Variants in MET observed in about 807,000 individuals in gnomAD.
MET encodes the protein MET proto-oncogene, receptor tyrosine kinase, also known as hepatocyte growth factor receptor.
Under a neutral mutation model 133.1 loss-of-function variants are expected in MET, and 48 were observed. The observed-to-expected ratio is 0.36, with a 90% CI of 0.29 to 0.46. The LOEUF (loss-of-function observed/expected upper bound fraction) is 0.46, where lower values mean the gene tolerates loss of function less well. MET is among the 20% of genes least tolerant of loss of function. The pLI is 1.00. For missense variants in MET, 1,442 were observed against 1,695.9 expected, an observed-to-expected ratio of 0.85 and a Z score of 2.63; for synonymous variants, 628 against 616.5, an observed-to-expected ratio of 1.02 and a Z score of -0.28.
chr7:116,782,851 T>A (rs999841620), intron 18 of MET, among the ~76,000 whole-genome samples: 1 of 152,256 alleles, frequency 6.6e-6, no homozygotes, highest in African/African-American at 2.4e-5. Flanking sequence ...ATGAGTTTTG[T>A]GTGCTAACCT....
chr7:116,736,536 T>G (rs1214661333), intron 3 of MET, among the ~76,000 whole-genome samples: 3 of 152,212 alleles, frequency 2.0e-5, no homozygotes, highest in Non-Finnish European at 4.4e-5. Flanking sequence ...ATATGGCCTT[T>G]ACATATTTGT....
chr7:116,725,096 T>C (rs1302329593), intron 2 of MET, among the ~76,000 whole-genome samples: 2 of 152,190 alleles, frequency 1.3e-5, no homozygotes, highest in Non-Finnish European at 2.9e-5. Context: ...CCTATGCCTG[T>C]ACGTAAGAAG....
At chr7:116,774,623 A>G (rs968389438) in intron 14 of MET, among the ~76,000 whole-genome samples, 2 of 152,220 alleles carry the variant, frequency 1.3e-5, no homozygotes, top group African/African-American at 4.8e-5. Flanking sequence ...AATAAACCAT[A>G]AGCATGGCTT....
chr7:116,749,429 C>CA (rs1793830559), intron 5 of MET, among the ~76,000 whole-genome samples: 1 of 152,166 alleles, frequency 6.6e-6, no homozygotes, highest in African/African-American at 2.4e-5. Flanking sequence ...TAAAAACTCT[C>CA]AACAAACTAG....
At chr7:116,793,399 T>C (rs557228730) in intron 19 of MET, among the ~76,000 whole-genome samples, 1 of 151,646 alleles carries the variant, frequency 6.6e-6, no homozygotes, top group East Asian at 2.0e-4. Context: ...GGTCCCGAAC[T>C]CTTGACCTCA....
At chr7:116,709,218 T>C (rs1791905361) in intron 2 of MET, among the ~76,000 whole-genome samples, 1 of 152,228 alleles carries the variant, frequency 6.6e-6, no homozygotes, top group South Asian at 2.1e-4. Context: ...TCTGTTTCAT[T>C]TTAATCCTGT....
At chr7:116,759,521 AGCTCT>A in intron 10 of MET, 31 bp downstream of exon 10, 3 of 1,604,034 alleles carry the variant, frequency 1.9e-6, no homozygotes, top group Non-Finnish European at 2.6e-6. Flanking sequence ...TTCTACTCAG[AGCTCT>A]GCATCTTTGC....
At position 116,725,271 on chromosome 7, in the gene MET, G is replaced by A. The variant is rs577020158; in HGVS notation, c.1201-6397G>A. ...TGTTCAGAGGAGCAAATGAGATAAT[G>A]TACTTTGAAAACCATAATCTACTCT... On this transcript the variant is annotated intron_variant, in intron 2 of 20. Coordinates refer to ENST00000397752, the MANE Select transcript of MET (RefSeq NM_000245.4). 9.7e-4 allele frequency among the ~76,000 whole-genome samples: 148 copies of A among 152,134 alleles called. 1 individual carries two copies. The highest frequency in any genetic ancestry group is 3.5e-3 in the African/African-American group (144 of 41,496).
chr7:116,690,504 T>C (rs1796742823), intron 1 of MET, among the ~76,000 whole-genome samples: 1 of 152,220 alleles, frequency 6.6e-6, no homozygotes, highest in African/African-American at 2.4e-5. Context: ...AGATTCCTCC[T>C]GTCCCTTCGA....
At chr7:116,761,026 A>G (rs1794382634) in intron 10 of MET, among the ~76,000 whole-genome samples, 1 of 152,206 alleles carries the variant, frequency 6.6e-6, no homozygotes. Context: ...AGAAATTATT[A>G]GTTTATCTAA....
intron 1 of MET, among the ~76,000 whole-genome samples, chr7:116,689,979 A>G (rs377522649): frequency 2.0e-5 from 3 of 152,082 alleles, no homozygotes; most frequent in African/African-American, 7.2e-5. Flanking sequence ...GGCTTCAAGA[A>G]CTTGAACCGA....
intron 1 of MET, among the ~76,000 whole-genome samples, chr7:116,675,297 G>A (rs745818057): frequency 6.6e-6 from 1 of 152,150 alleles, no homozygotes; most frequent in Non-Finnish European, 1.5e-5. Flanking sequence ...CTGCCCTTGA[G>A]AAGTTTATGA....
At chr7:116,732,665 T>G (rs1793063614) in intron 3 of MET, among the ~76,000 whole-genome samples, 3 of 152,214 alleles carry the variant, frequency 2.0e-5, no homozygotes, top group Non-Finnish European at 4.4e-5. Flanking sequence ...AAAGGGAGAT[T>G]TCGTAATTGT....
chr7:116,782,612 A>G (rs1421345469), intron 18 of MET, among the ~76,000 whole-genome samples: 2 of 152,226 alleles, frequency 1.3e-5, no homozygotes, highest in Non-Finnish European at 2.9e-5. Flanking sequence ...AATTGAGTTC[A>G]TGTTTTCCCT....
At chr7:116,771,406 A>G (rs1162656180) in intron 12 of MET, 92 bp from the exon 13 acceptor site, 41 of 1,409,156 alleles carry the variant, frequency 2.9e-5, no homozygotes, top group Non-Finnish European at 3.5e-5. Flanking sequence ...GGTAATAACC[A>G]GTTGGTATTT....
In MET at chr7:116,706,346, C is replaced by T. The variant is rs193094079; in HGVS notation, c.1200+6062C>T. On this transcript the variant is annotated intron_variant, in intron 2 of 20. Transcript: ENST00000397752. Reference sequence around the variant, plus strand: ...CATCTGATAAAACTGATATCGCAAACGGGAAGGAGTTTGTACAAAATGAAA... The same window carrying T: ...CATCTGATAAAACTGATATCGCAAATGGGAAGGAGTTTGTACAAAATGAAA... Among the ~76,000 whole-genome samples, 105 of 152,040 alleles carry T rather than the reference C, an allele frequency of 6.9e-4. No individual in the cohort carries two copies. The Middle Eastern group carries it at 0.01, about 15-fold the overall frequency.
At chr7:116,729,123 G>A (rs992296182) in intron 2 of MET, among the ~76,000 whole-genome samples, 4 of 152,274 alleles carry the variant, frequency 2.6e-5, no homozygotes, top group East Asian at 1.9e-4. Context: ...TCAATTAATC[G>A]GTTGCTATCG....
intron 1 of MET, among the ~76,000 whole-genome samples, chr7:116,683,228 A>C (rs1210485570): frequency 6.6e-6 from 1 of 152,162 alleles, no homozygotes; most frequent in African/African-American, 2.4e-5. Flanking sequence ...CCCCTCAAGT[A>C]GACCCCAATG....
chr7:116,771,077 T>C (rs1794814114), intron 12 of MET, among the ~76,000 whole-genome samples: 1 of 152,192 alleles, frequency 6.6e-6, no homozygotes, highest in South Asian at 2.1e-4. Context: ...TTACCTCTTA[T>C]GGGAAGTCTT....
Sources: gnomAD v4.1 joint callset for allele counts (sites outside exome capture counted in the v4.1 genomes callset) on GRCh38, gnomAD v4.1.1 for gene constraint, MANE v1.5 for transcripts, NCBI Gene and HGNC (gene_info 2026-07-23, HGNC 2026-07-21) for gene names.